STRBP: variants seen among roughly 807,000 people sequenced by gnomAD.
STRBP encodes spermatid perinuclear RNA-binding protein.
In STRBP, 13 loss-of-function variants were observed where a neutral mutation model predicts 80.1. The ratio of observed to expected loss-of-function variants is 0.16; its 90% CI spans 0.11 to 0.26. The LOEUF (loss-of-function observed/expected upper bound fraction) is 0.26. STRBP is among the 10% of genes least tolerant of loss of function. The pLI, the probability that STRBP is intolerant of heterozygous loss-of-function variation, is 1.00. For missense variants in STRBP, 485 were observed against 815.2 expected (o/e 0.59, Z 4.93); for synonymous variants, 284 against 291.2 (o/e 0.98, Z 0.25).
intron 2 of STRBP, among the ~76,000 whole-genome samples, chr9:123,203,680 T>C (rs764180771): frequency 4.6e-5 from 7 of 151,902 alleles, no homozygotes; most frequent in Non-Finnish European, 8.8e-5. Flanking sequence ...CTATGTAAAA[T>C]AGCGACCTCG....
rs71388358 is a variant in STRBP at position 123,197,667 on chromosome 9, C to CTTTTT, written c.-164-13374_-164-13370dup. ...ATACAAGTTGCTGTGAAACATATTT[C>CTTTTT]TTTTTTTTTTTTTTTTTTTTTTTTT... On this transcript the variant is annotated intron_variant, in intron 2 of 18. Transcript: ENST00000348403. Among the ~76,000 whole-genome samples, 119 of 87,376 alleles carry CTTTTT rather than the reference C, an allele frequency of 1.4e-3. 2 individuals carry two copies. Among genetic ancestry groups the CTTTTT allele is most frequent in the East Asian group, 2.7e-3 (7 of 2,632 alleles). The allele number at this position is 87,376 out of a possible 152,430, so 57.3% of individuals were successfully genotyped here.
At chr9:123,198,142 T>C (rs2039173746) in intron 2 of STRBP, among the ~76,000 whole-genome samples, 1 of 152,062 alleles carries the variant, frequency 6.6e-6, no homozygotes, top group African/African-American at 2.4e-5. Context: ...TGCCTACTTT[T>C]TATTTTTTAT....
At chr9:123,180,106 A>T (rs972150544) in intron 3 of STRBP, among the ~76,000 whole-genome samples, 68 of 152,106 alleles carry the variant, frequency 4.5e-4, no homozygotes, top group African/African-American at 1.6e-3. Flanking sequence ...CATAAAAAAA[A>T]TTAGCCGGAC....
chr9:123,169,055 A>G (rs56312512), intron 6 of STRBP, among the ~76,000 whole-genome samples: 1 of 152,144 alleles, frequency 6.6e-6, no homozygotes, highest in Non-Finnish European at 1.5e-5. Context: ...CATTAAAAAA[A>G]TTCAGTCCCC....
rs1255029303 is a variant in STRBP, at chr9:123,169,999, T to C, written c.438A>G (p.Ala146=). 1 of 1,610,384 alleles carries C rather than the reference T, an allele frequency of 6.2e-7. No individual in the cohort carries two copies. Among genetic ancestry groups the C allele is most frequent in the African/African-American group, 1.3e-5 (1 of 74,870 alleles). Residue 146 remains alanine, a synonymous_variant, in exon 6 of 19, where the codon GCA becomes GCG. Coordinates refer to ENST00000348403, the MANE Select transcript of STRBP (RefSeq NM_018387.5). ...CTTTTGTATTCCGAATTATAATAGA[T>C]GCCTCATTTACACATTGTTCCACTT... is the stretch of plus-strand genomic sequence containing the variant. The part of the protein sequence containing the change: ...KYQVEQCVNE[A]SIIIRNTKEP...
In STRBP at chr9:123,122,497, C is replaced by T; in HGVS notation, c.*3100G>A. On this transcript the variant is annotated 3_prime_UTR_variant, in exon 19 of 19. Transcript: ENST00000348403. ...CAGCAAAATCTCTCAGTGGTTTGTT[C>T]CCCAGGCTAACAATTTGAGAGAGAC... 8.4e-7 allele frequency: 1 copy of T among 1,186,318 alleles called. No homozygotes were observed. Among genetic ancestry groups the T allele is most frequent in the East Asian group, 5.9e-5 (1 of 17,000 alleles). The allele number at this position is 1,186,318 out of a possible 1,614,324, so 73.5% of individuals were successfully genotyped here.
At chr9:123,214,105 A>G (rs1312874015) in intron 2 of STRBP, among the ~76,000 whole-genome samples, 1 of 150,724 alleles carries the variant, frequency 6.6e-6, no homozygotes, top group Non-Finnish European at 1.5e-5. Flanking sequence ...CCCATCAATC[A>G]ATGAGTGGAT....
chr9:123,258,563 G>T (rs1470228928), intron 1 of STRBP, among the ~76,000 whole-genome samples: 1 of 152,318 alleles, frequency 6.6e-6, no homozygotes, highest in Admixed American at 6.5e-5. Context: ...CAGCACTTTG[G>T]GAGGCCAAGG....
chr9:123,229,761 G>A (rs978130634), intron 2 of STRBP, among the ~76,000 whole-genome samples: 6 of 152,088 alleles, frequency 3.9e-5, no homozygotes, highest in African/African-American at 1.4e-4. Flanking sequence ...ATGGGAGAGA[G>A]GGTATTATGG....
Position 123,160,352 on chromosome 9 carries a change from T to C in STRBP, c.723+15A>G. ...CAGCTTCCAAATTTGCTTTTAGCCATATTTAAGTACTTACCCATCCTTTCA... is the reference window on the plus strand; with the variant it reads ...CAGCTTCCAAATTTGCTTTTAGCCACATTTAAGTACTTACCCATCCTTTCA... On this transcript the variant is annotated intron_variant, in intron 8 of 18. Transcript: ENST00000348403. 1 of 1,539,406 alleles carries C rather than the reference T, an allele frequency of 6.5e-7. No individual in the cohort carries two copies. The highest frequency in any genetic ancestry group is 8.8e-7 in the Non-Finnish European group (1 of 1,132,554).
chr9:123,235,326 T>C (rs2040525050), intron 2 of STRBP, among the ~76,000 whole-genome samples: 1 of 150,388 alleles, frequency 6.6e-6, no homozygotes, highest in Non-Finnish European at 1.5e-5. Context: ...TAAATCAATA[T>C]GTGTATGTTA....
chr9:123,229,379 G>A (rs2040335889), intron 2 of STRBP, among the ~76,000 whole-genome samples: 1 of 152,146 alleles, frequency 6.6e-6, no homozygotes, highest in African/African-American at 2.4e-5. Flanking sequence ...GATCATATGA[G>A]GAAGGAAATT....
intron 2 of STRBP, among the ~76,000 whole-genome samples, chr9:123,192,745 T>A (rs774525700): frequency 1.3e-5 from 2 of 152,190 alleles, no homozygotes; most frequent in Non-Finnish European, 2.9e-5. Flanking sequence ...TGTTTTACCA[T>A]TTACGGGGAT....
intron 18 of STRBP, among the ~76,000 whole-genome samples, chr9:123,127,652 C>G (rs1313915687): frequency 1.3e-5 from 2 of 152,176 alleles, no homozygotes; most frequent in Non-Finnish European, 2.9e-5. Flanking sequence ...CTAGCATGTA[C>G]TACAGACTTC....
intron 5 of STRBP, among the ~76,000 whole-genome samples, chr9:123,172,087 A>AT (rs2038036990): frequency 6.6e-6 from 1 of 152,170 alleles, no homozygotes. Flanking sequence ...GATGTGATAG[A>AT]TTTTCTGAAT....
At chr9:123,155,081 A>C (rs993068336) in intron 11 of STRBP, among the ~76,000 whole-genome samples, 3 of 152,220 alleles carry the variant, frequency 2.0e-5, no homozygotes, top group Non-Finnish European at 4.4e-5. Flanking sequence ...GGTCGGTCTT[A>C]AGAGGCGAGG....
chr9:123,239,202 T>C lies in STRBP; in HGVS notation c.-301-2236A>G, dbSNP rs565843358. 5.8e-3 allele frequency among the ~76,000 whole-genome samples: 883 copies of C among 152,170 alleles called. 4 individuals carry two copies. Among genetic ancestry groups the C allele is most frequent in the Non-Finnish European group, 0.011 (725 of 68,000 alleles). ...CATCCTGGCTAACACGGTGAAACCC[T>C]GTCTCCACTAAAAATACAAAACATT... On this transcript the variant is annotated intron_variant, in intron 1 of 18. Transcript: ENST00000348403.
chr9:123,260,111 G>C (rs1365426902), intron 1 of STRBP, among the ~76,000 whole-genome samples: 2 of 152,114 alleles, frequency 1.3e-5, no homozygotes, highest in African/African-American at 4.8e-5. Flanking sequence ...GTCAAGAAAT[G>C]GTTGTTTAAA....
At chr9:123,184,341 T>C (rs2038611441) in intron 2 of STRBP, 43 bp from the exon 3 acceptor site, 2 of 446,740 alleles carry the variant, frequency 4.5e-6, no homozygotes, top group African/African-American at 2.0e-5. Context: ...GCTTATTTAC[T>C]ATTAGCTTCC....
Sources: allele counts gnomAD v4.1 joint callset (sites outside exome capture counted in the v4.1 genomes callset), GRCh38; gene constraint gnomAD v4.1.1; transcripts MANE v1.5; gene names NCBI Gene and HGNC (gene_info 2026-07-23, HGNC 2026-07-21).